Variants in EPHA6 observed in about 807,000 individuals in gnomAD.
The protein encoded by EPHA6 is EPH receptor A6.
A neutral mutation model predicts 112.0 loss-of-function variants in EPHA6; 50 were observed. The observed-to-expected ratio is 0.45, with a 90% confidence interval of 0.36 to 0.56. EPHA6 has a LOEUF of 0.56. Among genes scored for constraint, EPHA6 ranks in the 20% least tolerant of loss-of-function variants. The pLI is 0.00. For synonymous variants in EPHA6, 529 were observed against 490.7 expected, an observed-to-expected ratio of 1.08 and a Z score of -1.03; for missense variants, 1,280 against 1,417.4, an observed-to-expected ratio of 0.90 and a Z score of 1.56.
chr3:97,022,518 G>A (rs185034791), intron 3 of EPHA6, among the ~76,000 whole-genome samples: 1 of 152,256 alleles, frequency 6.6e-6, no homozygotes, highest in East Asian at 1.9e-4. Context: ...ACTAGGTTGT[G>A]GGTGGGCTTC....
chr3:97,705,106 C>T (rs1209124853), intron 14 of EPHA6, among the ~76,000 whole-genome samples: 1 of 152,064 alleles, frequency 6.6e-6, no homozygotes, highest in Non-Finnish European at 1.5e-5. Context: ...GTATTTAATG[C>T]CCAAGGAATC....
chr3:97,291,880 T>C (rs1390795769), intron 5 of EPHA6, among the ~76,000 whole-genome samples: 1 of 152,254 alleles, frequency 6.6e-6, no homozygotes, highest in African/African-American at 2.4e-5. Context: ...CAGCTGTGCC[T>C]CTGCTTAGAT....
chr3:97,224,894 T>A (rs1451747349), intron 3 of EPHA6, among the ~76,000 whole-genome samples: 2 of 152,144 alleles, frequency 1.3e-5, no homozygotes, highest in African/African-American at 4.8e-5. Flanking sequence ...TTACTTCAAT[T>A]TCAGGTCCAA....
rs138529626 is a variant in EPHA6, at chr3:97,636,885, TA to T, written c.2575-980del. On this transcript the variant is annotated intron_variant, in intron 13 of 17. Coordinates refer to ENST00000389672, the MANE Select transcript of EPHA6 (RefSeq NM_001080448.3). ...TCATAAATAAATGTTGCATGATGTA[TA>T]AAAAAAAGAATTTTTCATGTTGCTC... Among the ~76,000 whole-genome samples the T allele has an allele frequency of 4.7e-3, 715 of 151,968 alleles. 4 individuals are homozygous for T. The highest frequency in any genetic ancestry group is 0.016 in the African/African-American group (647 of 41,484).
intron 3 of EPHA6, among the ~76,000 whole-genome samples, chr3:97,144,704 T>A (rs1363585600): frequency 6.6e-6 from 1 of 151,182 alleles, no homozygotes; most frequent in Admixed American, 6.6e-5. Flanking sequence ...TCTTTCTTAG[T>A]GTGCTTAATT....
chr3:96,879,521 T>G (rs2037180926), intron 2 of EPHA6, among the ~76,000 whole-genome samples: 1 of 152,042 alleles, frequency 6.6e-6, no homozygotes, highest in Admixed American at 6.6e-5. Context: ...GGAAAGAGTT[T>G]TGGTGTCCTA....
At position 97,084,067 on chromosome 3, in the gene EPHA6, A is replaced by AGTGTGTGT. The variant is rs145113129; in HGVS notation, c.1114+96096_1114+96103dup. Among the ~76,000 whole-genome samples, 637 of 109,714 alleles carry AGTGTGTGT rather than the reference A, an allele frequency of 5.8e-3. 11 individuals are homozygous for AGTGTGTGT. Among genetic ancestry groups the AGTGTGTGT allele is most frequent in the African/African-American group, 0.021 (607 of 29,316 alleles). 72.0% of individuals were successfully genotyped at this position (109,714 alleles called of 152,430 possible). ...TAGGGGTGGTACATTTATTTCTTAA[A>AGTGTGTGT]GTGTGTGTGTGTGTGTGTGTGTGTG... On this transcript the variant is annotated intron_variant, in intron 3 of 17. Transcript: ENST00000389672.
chr3:97,387,925 G>T lies in EPHA6; in HGVS notation c.1607-17225G>T, dbSNP rs542016768. 7.9e-5 allele frequency among the ~76,000 whole-genome samples: 12 copies of T among 152,268 alleles called. No individual in the cohort carries two copies. In the South Asian group the frequency reaches 2.3e-3, roughly 29 times the overall value. ...CTTACAGTCATAGCAGAAGGTGAAG[G>T]GGAAGCACATACATCTTCACATGGC... On this transcript the variant is annotated intron_variant, in intron 5 of 17. Transcript: ENST00000389672.
intron 1 of EPHA6, among the ~76,000 whole-genome samples, chr3:96,819,289 A>C (rs1005438185): frequency 6.6e-6 from 1 of 152,084 alleles, no homozygotes; most frequent in African/African-American, 2.4e-5. Flanking sequence ...CTTTTACATC[A>C]CAAAATAAGT....
At chr3:97,500,261 A>G (rs1255197357) in intron 10 of EPHA6, among the ~76,000 whole-genome samples, 3 of 152,128 alleles carry the variant, frequency 2.0e-5, no homozygotes, top group Admixed American at 6.6e-5. Flanking sequence ...ATTCCTAGAA[A>G]TACCTGAGAC....
At chr3:96,901,890 T>G (rs1261756411) in intron 2 of EPHA6, among the ~76,000 whole-genome samples, 1 of 152,242 alleles carries the variant, frequency 6.6e-6, no homozygotes, top group African/African-American at 2.4e-5. Flanking sequence ...GCCAAACATC[T>G]ATTAAATATG....
At chr3:97,566,913 A>T (rs931960140) in intron 11 of EPHA6, among the ~76,000 whole-genome samples, 1 of 152,202 alleles carries the variant, frequency 6.6e-6, no homozygotes, top group Non-Finnish European at 1.5e-5. Context: ...TTGGCCTGGC[A>T]TGTCATAGGT....
At chr3:97,114,967 C>T (rs2047838918) in intron 3 of EPHA6, among the ~76,000 whole-genome samples, 1 of 151,874 alleles carries the variant, frequency 6.6e-6, no homozygotes, top group Non-Finnish European at 1.5e-5. Context: ...ATGAAGGAGT[C>T]ATATTTGAGC....
At chr3:97,614,182 CAT>C (rs1217212435) in intron 13 of EPHA6, among the ~76,000 whole-genome samples, 2 of 151,992 alleles carry the variant, frequency 1.3e-5, no homozygotes, top group Admixed American at 1.3e-4. Flanking sequence ...TGAAATGCCA[CAT>C]GTCAACCACA....
chr3:97,399,337 C>T (rs918735059), intron 5 of EPHA6, among the ~76,000 whole-genome samples: 1 of 151,484 alleles, frequency 6.6e-6, no homozygotes, highest in Admixed American at 6.6e-5. Context: ...ATTATTTATT[C>T]ATCTGTTGAT....
intron 3 of EPHA6, among the ~76,000 whole-genome samples, chr3:97,061,647 A>G (rs1015312124): frequency 2.6e-5 from 4 of 152,162 alleles, no homozygotes; most frequent in Non-Finnish European, 5.9e-5. Context: ...AAAAAGAAAT[A>G]AGACTGTGCT....
At chr3:97,196,581 C>A (rs2077447879) in intron 3 of EPHA6, among the ~76,000 whole-genome samples, 1 of 152,016 alleles carries the variant, frequency 6.6e-6, no homozygotes, top group African/African-American at 2.4e-5. Context: ...TTATTACGGT[C>A]ATTTCAGTCT....
At chr3:97,543,472 G>C (rs2092897895) in intron 11 of EPHA6, among the ~76,000 whole-genome samples, 1 of 152,188 alleles carries the variant, frequency 6.6e-6, no homozygotes, top group African/African-American at 2.4e-5. Flanking sequence ...TTTGGTACCA[G>C]TACCATGCTG....
chr3:97,607,188 A>G (rs1281276823), intron 12 of EPHA6, among the ~76,000 whole-genome samples: 1 of 149,714 alleles, frequency 6.7e-6, no homozygotes, highest in Non-Finnish European at 1.5e-5. Context: ...CTGAGGCAAA[A>G]AAAAAAAAAA....
Sources: gnomAD v4.1 joint callset for allele counts (sites outside exome capture counted in the v4.1 genomes callset) on GRCh38, gnomAD v4.1.1 for gene constraint, MANE v1.5 for transcripts, NCBI Gene and HGNC (gene_info 2026-07-23, HGNC 2026-07-21) for gene names.